The following FOXI2 variants were observed in gnomAD, a reference collection of about 807,000 sequenced individuals.
FOXI2 encodes forkhead box protein I2.
Under a neutral mutation model 14.3 loss-of-function variants are expected in FOXI2, and 17 were observed. That is an observed-to-expected ratio of 1.19 (90% CI 0.81 to 1.78). FOXI2 has a LOEUF of 1.78. FOXI2 is among the 40% of genes most tolerant of loss of function. The pLI is 0.00. For missense variants in FOXI2, 541 were observed against 460.0 expected (o/e 1.18, Z -1.61); for synonymous variants, 240 against 218.8 (o/e 1.10, Z -0.85).
Position 127,737,318 on chromosome 10 carries a change from C to A in FOXI2, c.45C>A (p.Pro15=), listed in dbSNP as rs1354299143. ...CDDLGPSSAP[P]GQAQATAHPP... ...ACCTGGGCCCCTCCTCGGCCCCGCC[C>A]GGCCAGGCCCAGGCCACCGCGCACC... The change falls in exon 1 of 2, where the codon CCC becomes CCA. Residue 15 remains proline, a synonymous_variant. Transcript: ENST00000388920. 1.4e-6 allele frequency: 2 copies of A among 1,455,348 alleles called. No individual in the cohort carries two copies. Among genetic ancestry groups the A allele is most frequent in the Non-Finnish European group, 1.8e-6 (2 of 1,116,644 alleles). The allele number at this position is 1,455,348 out of a possible 1,614,324, so 90.2% of individuals were successfully genotyped here. A position where few individuals can be genotyped will look rare whatever the true frequency, so the allele number is the denominator to read the frequency against.
chr10:127,740,996 GTGA>G lies in FOXI2; in HGVS notation c.*2037_*2039del, dbSNP rs1846518039. ...GAGCAGAGTGCCAGTTGTGTTGAAG[GTGA>G]TGATGTCGCCTAACTAAACTCACAA... On this transcript the variant is annotated 3_prime_UTR_variant, in exon 2 of 2. Coordinates refer to ENST00000388920, the MANE Select transcript of FOXI2 (RefSeq NM_207426.3). 4.6e-5 allele frequency: 7 copies of G among 152,296 alleles called. No homozygotes were observed. In the South Asian group the frequency reaches 1.5e-3, roughly 32 times the overall value. The allele number at this position is 152,296 out of a possible 1,614,324, so 9.4% of individuals were successfully genotyped here. A position where few individuals can be genotyped will look rare whatever the true frequency, so the allele number is the denominator to read the frequency against.
chr10:127,739,815 C>CCACACTCACACT lies in FOXI2; in HGVS notation c.*855_*856insTCACACTCACAC, dbSNP rs1564749006. ...CCCACACTCACACCCACACTCACAC[C>CCACACTCACACT]CACACCCACACCCACACCCACACTC... is the stretch of plus-strand genomic sequence containing the variant. On this transcript the variant is annotated 3_prime_UTR_variant, in exon 2 of 2. Transcript: ENST00000388920. 8 of 79,174 alleles carry CCACACTCACACT rather than the reference C, an allele frequency of 1.0e-4. No homozygotes were observed. The highest frequency in any genetic ancestry group is 3.2e-4 in the African/African-American group (6 of 18,778). The allele number at this position is 79,174 out of a possible 1,614,324, so 4.9% of individuals were successfully genotyped here. A position where few individuals can be genotyped will look rare whatever the true frequency, so the allele number is the denominator to read the frequency against.
At position 127,738,985 on chromosome 10, in the gene FOXI2, CGGGTGCGGGTCCAGAG is replaced by C. The variant is rs1846456433; in HGVS notation, c.*22_*37del. ...GTTTGAAGGGAGGCTGGAGGCTAGC[CGGGTGCGGGTCCAGAG>C]GTGCTGAGCTCAGGCCTCCGGTTTC... On this transcript the variant is annotated 3_prime_UTR_variant, in exon 2 of 2. Coordinates refer to ENST00000388920, the MANE Select transcript of FOXI2 (RefSeq NM_207426.3). The C allele has an allele frequency of 6.3e-7, 1 of 1,589,076 alleles. No homozygotes were observed. The highest frequency in any genetic ancestry group is 1.3e-5 in the African/African-American group (1 of 74,656).
In FOXI2 at chr10:127,740,519, G is replaced by GC. The variant is rs1846511961; in HGVS notation, c.*1554_*1555insC. On this transcript the variant is annotated 3_prime_UTR_variant, in exon 2 of 2. Transcript: ENST00000388920. ...TCCCTGGAGATGGAGACGTTGGTGG[G>GC]GGGGGGGTACCCACCTTGTTGTTGA... 1 of 148,472 alleles carries GC rather than the reference G, an allele frequency of 6.7e-6. No individual in the cohort carries two copies. Among genetic ancestry groups the GC allele is most frequent in the Non-Finnish European group, 1.5e-5 (1 of 67,448 alleles). 9.2% of individuals were successfully genotyped at this position (148,472 alleles called of 1,614,324 possible).
Position 127,738,815 on chromosome 10 carries a change from CT to C in FOXI2, c.811del (p.Ser271LeufsTer63). 6.2e-7 allele frequency: 1 copy of C among 1,606,718 alleles called. No homozygotes were observed. The highest frequency in any genetic ancestry group is 8.5e-7 in the Non-Finnish European group (1 of 1,177,452). On this transcript the variant is annotated frameshift_variant, in exon 2 of 2. Coordinates refer to ENST00000388920, the MANE Select transcript of FOXI2 (RefSeq NM_207426.3). LOFTEE classifies it low-confidence loss of function (END_TRUNC). ...GTFPGGLAGD[F>X]SFGRRPPTVA... ...CCTTCCCCGGGGGCCTGGCGGGCGA[CT>C]TTTCTTTCGGGAGGCGGCCACCGAC...
Position 127,739,887 on chromosome 10 carries a change from CCACACCCACACT to C in FOXI2, c.*928_*939del, listed in dbSNP as rs1564749150. 2.4e-5 allele frequency: 2 copies of C among 83,480 alleles called. No individual in the cohort carries two copies. Among genetic ancestry groups the C allele is most frequent in the Admixed American group, 1.3e-4 (1 of 7,474 alleles). The allele number at this position is 83,480 out of a possible 1,614,324, so 5.2% of individuals were successfully genotyped here. A position where few individuals can be genotyped will look rare whatever the true frequency, so the allele number is the denominator to read the frequency against. ...CTCACACCCACACTCACACCCACACCCACACCCACACTCACACACACTCACACCCACACCCAC... is the reference window on the plus strand; with the variant it reads ...CTCACACCCACACTCACACCCACACCCACACACACTCACACCCACACCCAC... On this transcript the variant is annotated 3_prime_UTR_variant, in exon 2 of 2. Transcript: ENST00000388920.
In FOXI2 at chr10:127,738,732, G is replaced by T; in HGVS notation, c.724G>T (p.Ala242Ser). The T allele has an allele frequency of 1.3e-6, 2 of 1,598,654 alleles. No individual in the cohort carries two copies. Among genetic ancestry groups the T allele is most frequent in the Non-Finnish European group, 1.7e-6 (2 of 1,173,166 alleles). Residue 242 changes from alanine (A) to serine (S), a missense_variant, in exon 2 of 2, where the codon GCC becomes TCC. Coordinates refer to ENST00000388920, the MANE Select transcript of FOXI2 (RefSeq NM_207426.3). ...ASPSPSAPEA[A>S]TCFSGFASAM... ...GCCCTCTCCATCCGCACCCGAGGCC[G>T]CCACCTGCTTCTCCGGTTTCGCTTC...
rs1302491669 is a variant in FOXI2 at position 127,741,018 on chromosome 10, C to T, written c.*2053C>T. On this transcript the variant is annotated 3_prime_UTR_variant, in exon 2 of 2. Coordinates refer to ENST00000388920, the MANE Select transcript of FOXI2 (RefSeq NM_207426.3). Reference sequence around the variant, plus strand: ...AAGGTGATGATGTCGCCTAACTAAACTCACAACCAACCCGCAATCTCTCTT... The same window carrying T: ...AAGGTGATGATGTCGCCTAACTAAATTCACAACCAACCCGCAATCTCTCTT... The T allele has an allele frequency of 6.6e-6, 1 of 152,180 alleles. No individual in the cohort carries two copies. Among genetic ancestry groups the T allele is most frequent in the African/African-American group, 2.4e-5 (1 of 41,444 alleles). 9.4% of individuals were successfully genotyped at this position (152,180 alleles called of 1,614,324 possible).
rs1248280818 is a variant in FOXI2, at chr10:127,739,964, C to T, written c.*999C>T. On this transcript the variant is annotated 3_prime_UTR_variant, in exon 2 of 2. Coordinates refer to ENST00000388920, the MANE Select transcript of FOXI2 (RefSeq NM_207426.3). ...ACACTCACACCCACACACACCCACA[C>T]TCATACTCACACTCACACCCACACT... is the stretch of plus-strand genomic sequence containing the variant. 5.5e-5 allele frequency: 1 copy of T among 18,204 alleles called. No homozygotes were observed. The highest frequency in any genetic ancestry group is 4.4e-4 in the Non-Finnish European group (1 of 2,290). The allele number at this position is 18,204 out of a possible 1,614,324, so 1.1% of individuals were successfully genotyped here. A position where few individuals can be genotyped will look rare whatever the true frequency, so the allele number is the denominator to read the frequency against.
In FOXI2 at chr10:127,737,306, CT is replaced by C. The variant is rs1275012846; in HGVS notation, c.34del (p.Ser12ArgfsTer32). 23 of 1,463,966 alleles carry C rather than the reference CT, an allele frequency of 1.6e-5. No homozygotes were observed. The highest frequency in any genetic ancestry group is 2.0e-5 in the Non-Finnish European group (22 of 1,119,456). 90.7% of individuals were successfully genotyped at this position (1,463,966 alleles called of 1,614,324 possible). A position where few individuals can be genotyped will look rare whatever the true frequency, so the allele number is the denominator to read the frequency against. ...ATYCDDLGPS[S>X]APPGQAQATA... ...CCTACTGCGACGACCTGGGCCCCTC[CT>C]CGGCCCCGCCCGGCCAGGCCCAGGC... On this transcript the variant is annotated frameshift_variant, in exon 1 of 2. Transcript: ENST00000388920. LOFTEE classifies it high-confidence loss of function.
chr10:127,739,012 C>A lies in FOXI2; in HGVS notation c.*47C>A. On this transcript the variant is annotated 3_prime_UTR_variant, in exon 2 of 2. Transcript: ENST00000388920. ...GGTGCGGGTCCAGAGGTGCTGAGCT[C>A]AGGCCTCCGGTTTCCCCTGGTGACA... 4.0e-6 allele frequency: 6 copies of A among 1,515,042 alleles called. No individual in the cohort carries two copies. Among genetic ancestry groups the A allele is most frequent in the South Asian group, 3.6e-5 (3 of 83,254 alleles). The allele number at this position is 1,515,042 out of a possible 1,614,324, so 93.8% of individuals were successfully genotyped here. A position where few individuals can be genotyped will look rare whatever the true frequency, so the allele number is the denominator to read the frequency against.
rs749992805 is a variant in FOXI2 at position 127,738,992 on chromosome 10, G to C, written c.*27G>C. The C allele has an allele frequency of 1.3e-6, 2 of 1,577,322 alleles. No homozygotes were observed. Among genetic ancestry groups the C allele is most frequent in the Non-Finnish European group, 1.7e-6 (2 of 1,166,192 alleles). ...GGGAGGCTGGAGGCTAGCCGGGTGC[G>C]GGTCCAGAGGTGCTGAGCTCAGGCC... is the stretch of plus-strand genomic sequence containing the variant. On this transcript the variant is annotated 3_prime_UTR_variant, in exon 2 of 2. Transcript: ENST00000388920.
chr10:127,739,498 G>A lies in FOXI2; in HGVS notation c.*533G>A, dbSNP rs1846466015. The A allele has an allele frequency of 6.5e-6, 1 of 154,098 alleles. No individual in the cohort carries two copies. The highest frequency in any genetic ancestry group is 2.4e-5 in the African/African-American group (1 of 41,496). The allele number at this position is 154,098 out of a possible 1,614,324, so 9.5% of individuals were successfully genotyped here. On this transcript the variant is annotated 3_prime_UTR_variant, in exon 2 of 2. Coordinates refer to ENST00000388920, the MANE Select transcript of FOXI2 (RefSeq NM_207426.3). ...GAGCAGCTGCAGTGGGCTCCAGGTG[G>A]GCCAGGAGCCTGCAGTGAGGGGATC...
At position 127,740,069 on chromosome 10, in the gene FOXI2, T is replaced by TCACACTCACACTCACACCCAC. The variant is rs1554874515; in HGVS notation, c.*1104_*1105insCACACTCACACTCACACCCAC. ...ACACCCACACTCACACCCACACTCA[T>TCACACTCACACTCACACCCAC]ACTCACACTCACACCCACACTCACA... On this transcript the variant is annotated 3_prime_UTR_variant, in exon 2 of 2. Transcript: ENST00000388920. 3 of 62,078 alleles carry TCACACTCACACTCACACCCAC rather than the reference T, an allele frequency of 4.8e-5. No homozygotes were observed. Among genetic ancestry groups the TCACACTCACACTCACACCCAC allele is most frequent in the South Asian group, 7.2e-4 (1 of 1,394 alleles). 3.8% of individuals were successfully genotyped at this position (62,078 alleles called of 1,614,324 possible).
In FOXI2 at chr10:127,739,102, G is replaced by C; in HGVS notation, c.*137G>C. ...GGAAGCGCAGAGCCGGGGGCGGCTCGGCCAGCAGGGAGCTGGGCTGAGCGG... is the reference window on the plus strand; with the variant it reads ...GGAAGCGCAGAGCCGGGGGCGGCTCCGCCAGCAGGGAGCTGGGCTGAGCGG... On this transcript the variant is annotated 3_prime_UTR_variant, in exon 2 of 2. Coordinates refer to ENST00000388920, the MANE Select transcript of FOXI2 (RefSeq NM_207426.3). 1 of 756,368 alleles carries C rather than the reference G, an allele frequency of 1.3e-6. No individual in the cohort carries two copies. The highest frequency in any genetic ancestry group is 2.1e-6 in the Non-Finnish European group (1 of 481,506). The allele number at this position is 756,368 out of a possible 1,614,324, so 46.9% of individuals were successfully genotyped here. A position where few individuals can be genotyped will look rare whatever the true frequency, so the allele number is the denominator to read the frequency against.
Position 127,739,096 on chromosome 10 carries a change from C to G in FOXI2, c.*131C>G. Reference sequence around the variant, plus strand: ...CTGGGAGGAAGCGCAGAGCCGGGGGCGGCTCGGCCAGCAGGGAGCTGGGCT... The same window carrying G: ...CTGGGAGGAAGCGCAGAGCCGGGGGGGGCTCGGCCAGCAGGGAGCTGGGCT... On this transcript the variant is annotated 3_prime_UTR_variant, in exon 2 of 2. Coordinates refer to ENST00000388920, the MANE Select transcript of FOXI2 (RefSeq NM_207426.3). 1.2e-6 allele frequency: 1 copy of G among 816,786 alleles called. No individual in the cohort carries two copies. The highest frequency in any genetic ancestry group is 1.9e-6 in the Non-Finnish European group (1 of 537,342). The allele number at this position is 816,786 out of a possible 1,614,324, so 50.6% of individuals were successfully genotyped here.
chr10:127,739,610 G>C lies in FOXI2; in HGVS notation c.*645G>C, dbSNP rs1846467524. 1.3e-5 allele frequency: 2 copies of C among 152,618 alleles called. No individual in the cohort carries two copies. Among genetic ancestry groups the C allele is most frequent in the South Asian group, 4.1e-4 (2 of 4,840 alleles). The allele number at this position is 152,618 out of a possible 1,614,324, so 9.5% of individuals were successfully genotyped here. Reference sequence around the variant, plus strand: ...GGTGGGAGGGAGAAGCACTGCGTGGGCAGAAAGCGCCCTTGGGATACCAGC... The same window carrying C: ...GGTGGGAGGGAGAAGCACTGCGTGGCCAGAAAGCGCCCTTGGGATACCAGC... On this transcript the variant is annotated 3_prime_UTR_variant, in exon 2 of 2. Coordinates refer to ENST00000388920, the MANE Select transcript of FOXI2 (RefSeq NM_207426.3).
rs775913352 is a variant in FOXI2 at position 127,738,501 on chromosome 10, G to A, written c.512-19G>A. 3 of 1,593,634 alleles carry A rather than the reference G, an allele frequency of 1.9e-6. No individual in the cohort carries two copies. In the Admixed American group the frequency reaches 5.2e-5, roughly 28 times the overall value. On this transcript the variant is annotated intron_variant, in intron 1 of 1. Coordinates refer to ENST00000388920, the MANE Select transcript of FOXI2 (RefSeq NM_207426.3). ...TCAAAGCTCGAACCTTCTGAACTGG[G>A]CTGTTTCTTCTTCTGCAGGTAAAGG...
rs1846503274 is a variant in FOXI2, at chr10:127,740,121, A to ATACT, written c.*1156_*1157insTACT. 2 of 45,968 alleles carry ATACT rather than the reference A, an allele frequency of 4.4e-5. No homozygotes were observed. The highest frequency in any genetic ancestry group is 1.3e-4 in the African/African-American group (2 of 15,568). The allele number at this position is 45,968 out of a possible 1,614,324, so 2.8% of individuals were successfully genotyped here. ...TCACACCCACACTCACACCACACTC[A>ATACT]CACCCACACACACCCACACTCATAC... On this transcript the variant is annotated 3_prime_UTR_variant, in exon 2 of 2. Transcript: ENST00000388920.
Sources: allele counts gnomAD v4.1 joint callset, GRCh38; gene constraint gnomAD v4.1.1; transcripts MANE v1.5; gene names NCBI Gene and HGNC (gene_info 2026-07-23, HGNC 2026-07-21).